The following PCDHGA2 variants were observed in gnomAD, a reference collection of about 807,000 sequenced individuals.
PCDHGA2 encodes protocadherin gamma-A2.
A neutral mutation model predicts 59.2 loss-of-function variants in PCDHGA2; 40 were observed. That is an observed-to-expected ratio of 0.68 (90% CI 0.52 to 0.88). PCDHGA2 has a LOEUF of 0.88. Ranked by LOEUF, PCDHGA2 falls within the 40% of genes least tolerant of loss-of-function variation. The pLI, the probability that PCDHGA2 is intolerant of heterozygous loss-of-function variation, is 0.00. For missense variants in PCDHGA2, 1,226 were observed against 1,204.0 expected (o/e 1.02, Z -0.27); for synonymous variants, 560 against 526.0 (o/e 1.06, Z -0.89).
intron 1 of PCDHGA2, chr5:141,357,176 C>T (rs773715836): frequency 6.2e-7 from 1 of 1,613,788 alleles, no homozygotes; most frequent in Admixed American, 1.7e-5. Context: ...GCCACCGTCA[C>T]ACTCACTGTG....
chr5:141,387,764 AT>A, intron 1 of PCDHGA2: 1 of 1,430,464 alleles, frequency 7.0e-7, no homozygotes, highest in East Asian at 2.5e-5. Context: ...AAAAAGAAGA[AT>A]TTTTTCTTGA....
At chr5:141,358,135 A>G (rs1760830618) in intron 1 of PCDHGA2, among the ~76,000 whole-genome samples, 1 of 152,246 alleles carries the variant, frequency 6.6e-6, no homozygotes, top group Non-Finnish European at 1.5e-5. Context: ...GGTTGCAATG[A>G]GCTGAGATCA....
intron 1 of PCDHGA2, among the ~76,000 whole-genome samples, chr5:141,438,629 TATATATAC>T (rs1474630940): frequency 0.043 from 2,039 of 47,824 alleles, 19 homozygotes; most frequent in South Asian, 0.061. Flanking sequence ...TATATATATA[TATATATAC>T]ACACACACAC....
rs371627839 is a variant in PCDHGA2, at chr5:141,340,977, C to G, written c.2006C>G (p.Pro669Arg). ...ACCGTGGCCGTGGCCGACAGGATCC[C>G]CGACATCCTGGCCGACCTGGGCAGC... ...TLTVAVADRI[P>R]DILADLGSLE... is the part of the protein sequence containing the mutation. The change falls in exon 1 of 4, where the codon CCC becomes CGC. Residue 669 changes from proline to arginine, a missense_variant. Physicochemically the swap from Pro to Arg is moderately radical, Grantham distance 103. Transcript: ENST00000394576. The G allele has an allele frequency of 3.1e-6, 5 of 1,613,800 alleles. No homozygotes were observed. In the African/African-American group the frequency reaches 6.7e-5, roughly 22 times the overall value.
At chr5:141,364,388 C>T in intron 1 of PCDHGA2, 2 of 1,600,174 alleles carry the variant, frequency 1.2e-6, no homozygotes, top group South Asian at 2.3e-5. Context: ...CTTCATGCTC[C>T]TGGGGACGCT....
intron 1 of PCDHGA2, among the ~76,000 whole-genome samples, chr5:141,380,623 C>T (rs1249230107): frequency 6.6e-6 from 1 of 152,204 alleles, no homozygotes; most frequent in Non-Finnish European, 1.5e-5. Flanking sequence ...TGTTCGATAA[C>T]TTAGAAAATG....
At chr5:141,376,417 G>T (rs750081761) in intron 1 of PCDHGA2, 2 of 1,614,148 alleles carry the variant, frequency 1.2e-6, no homozygotes, top group South Asian at 1.1e-5. Flanking sequence ...ATGCCGACAC[G>T]CTTATCAACC....
At chr5:141,496,011 T>G (rs1232125559) in intron 2 of PCDHGA2, among the ~76,000 whole-genome samples, 1 of 152,114 alleles carries the variant, frequency 6.6e-6, no homozygotes, top group African/African-American at 2.4e-5. Flanking sequence ...ATCTTGTCTT[T>G]TTTCTCTGAG....
chr5:141,398,910 G>T, intron 1 of PCDHGA2: 1 of 1,613,972 alleles, frequency 6.2e-7, no homozygotes, highest in Non-Finnish European at 8.5e-7. Flanking sequence ...GCACCACTGT[G>T]TTGCAAGTGT....
intron 1 of PCDHGA2, chr5:141,355,191 C>G: frequency 6.3e-7 from 1 of 1,591,882 alleles, no homozygotes; most frequent in East Asian, 2.2e-5. Flanking sequence ...GACTCCGCGG[C>G]GGGGTTGTAA....
chr5:141,427,105 A>C (rs1413188668), intron 1 of PCDHGA2: 1 of 457,776 alleles, frequency 2.2e-6, no homozygotes, highest in Non-Finnish European at 4.4e-6. Flanking sequence ...GTCAATGCGG[A>C]GATCACCTAC....
At chr5:141,433,655 G>T (rs1227358856) in intron 1 of PCDHGA2, among the ~76,000 whole-genome samples, 2 of 152,036 alleles carry the variant, frequency 1.3e-5, no homozygotes, top group Non-Finnish European at 1.5e-5. Flanking sequence ...GACCAACATG[G>T]AGAAACCCCG....
At chr5:141,370,623 G>T (rs1269464778) in intron 1 of PCDHGA2, 3 of 1,613,940 alleles carry the variant, frequency 1.9e-6, no homozygotes, top group African/African-American at 1.3e-5. Flanking sequence ...ATTCTTTACC[G>T]TGAGCCCCGA....
At position 141,418,250 on chromosome 5, in the gene PCDHGA2, C is replaced by T. The variant is rs375149538; in HGVS notation, c.2425-76557C>T. ...GATTGAGGATGTTAATGACCACGCC[C>T]CTCAATTCCGGAAAGATGAAATAAA... On this transcript the variant is annotated intron_variant, in intron 1 of 3. Transcript: ENST00000394576. The T allele has an allele frequency of 2.5e-5, 40 of 1,613,876 alleles. No individual in the cohort carries two copies. The African/African-American group carries it at 3.6e-4, about 15-fold the overall frequency.
chr5:141,361,584 C>T, intron 1 of PCDHGA2: 1 of 1,614,046 alleles, frequency 6.2e-7, no homozygotes, highest in African/African-American at 1.3e-5. Context: ...ACTTGGGCCC[C>T]AGTGGCCAAG....
intron 1 of PCDHGA2, chr5:141,387,709 A>G: frequency 2.0e-6 from 2 of 1,008,632 alleles, no homozygotes; most frequent in Non-Finnish European, 2.9e-6. Context: ...GGGCAGCCCC[A>G]GCTCAGACTC....
intron 1 of PCDHGA2, chr5:141,422,091 G>C: frequency 6.2e-7 from 1 of 1,611,830 alleles, no homozygotes. Context: ...TGGAAAGCAA[G>C]GCTTCTGAAA....
At position 141,345,971 on chromosome 5, in the gene PCDHGA2, C is replaced by G. The variant is rs1192007783; in HGVS notation, c.2424+4576C>G. On this transcript the variant is annotated intron_variant, in intron 1 of 3. Transcript: ENST00000394576. ...TCAAGCAGAGCCTCGTGGTGGCCGT[C>G]CAGGACCACGGCCAGCCCCCTCTCT... 5.0e-6 allele frequency: 8 copies of G among 1,613,462 alleles called. No homozygotes were observed. In the East Asian group the frequency reaches 1.6e-4, roughly 31 times the overall value.
At chr5:141,381,826 C>CTTCTTTTTTTTTTTTTTT (rs1777532522) in intron 1 of PCDHGA2, among the ~76,000 whole-genome samples, 1 of 74,284 alleles carries the variant, frequency 1.3e-5, no homozygotes, top group African/African-American at 6.2e-5. Flanking sequence ...CTTTCTTCTT[C>CTTCTTTTTTTTTTTTTTT]TTTTTTTTTT....
Sources: allele counts gnomAD v4.1 joint callset (sites outside exome capture counted in the v4.1 genomes callset), GRCh38; gene constraint gnomAD v4.1.1; transcripts MANE v1.5; gene names NCBI Gene and HGNC (gene_info 2026-07-23, HGNC 2026-07-21).